Variants in FBF1 observed in about 807,000 individuals in gnomAD.
The protein encoded by FBF1 is Fas binding factor 1, also known as fas-binding factor 1.
FBF1 carries 119 observed loss-of-function variants against 147.2 expected under a neutral mutation model. That is an observed-to-expected ratio of 0.81 (90% CI 0.70 to 0.94). The LOEUF is 0.94. Ranked by LOEUF, FBF1 falls within the 40% of genes least tolerant of loss-of-function variation. The pLI, the probability that FBF1 is intolerant of heterozygous loss-of-function variation, is 0.00. For missense variants in FBF1, 1,449 were observed against 1,500.8 expected (o/e 0.97, Z 0.57); for synonymous variants, 601 against 609.0 (o/e 0.99, Z 0.19).
Position 75,913,834 on chromosome 17 carries a change from CCAGA to C in FBF1, c.3130-19_3130-16del. 6.3e-7 allele frequency: 1 copy of C among 1,590,644 alleles called. No individual in the cohort carries two copies. Among genetic ancestry groups the C allele is most frequent in the Non-Finnish European group, 8.5e-7 (1 of 1,172,270 alleles). ...CTCAGATGCTCCTGTCCCCGTTCCC[CCAGA>C]AAGAAGGACTCAGCTGTGAGGTGGG... On this transcript the variant is annotated splice_polypyrimidine_tract_variant and intron_variant, in intron 27 of 29. Coordinates refer to ENST00000636174, the MANE Select transcript of FBF1 (RefSeq NM_001319193.2).
intron 13 of FBF1, among the ~76,000 whole-genome samples, chr17:75,924,224 T>A (rs917807964): frequency 6.6e-6 from 1 of 151,982 alleles, no homozygotes; most frequent in African/African-American, 2.4e-5. Flanking sequence ...AAAAAAATAA[T>A]AATAAGTTGG....
chr17:75,912,281 G>A lies in FBF1; in HGVS notation c.3274C>T (p.Arg1092Cys), dbSNP rs770458062. The A allele has an allele frequency of 2.5e-5, 41 of 1,608,036 alleles. No individual in the cohort carries two copies. Among genetic ancestry groups the A allele is most frequent in the African/African-American group, 4.0e-5 (3 of 74,830 alleles). Residue 1092 changes from arginine to cysteine, a missense_variant, in exon 29 of 30, where the codon CGT becomes TGT. By Grantham distance (180) the Arg-to-Cys change is radical. Coordinates refer to ENST00000636174, the MANE Select transcript of FBF1 (RefSeq NM_001319193.2). ...CCAGTTGGCGGCTGGCTGCACCAAC[G>A]GGTGGTGGGAGCAGGAGGCATGAGG... ...SALMPPAPTT[R>C]WCSQPPTGLD...
Position 75,914,951 on chromosome 17 carries a change from G to C in FBF1, c.2629-19C>G, listed in dbSNP as rs760332121. 1 of 1,611,344 alleles carries C rather than the reference G, an allele frequency of 6.2e-7. No homozygotes were observed. The highest frequency in any genetic ancestry group is 2.2e-5 in the East Asian group (1 of 44,846). Reference sequence around the variant, plus strand: ...AGGCGCTCTGGGATGTGGGGGTGAAGGCACGGGGTGAGTGTCCCTGGGCAT... The same window carrying C: ...AGGCGCTCTGGGATGTGGGGGTGAACGCACGGGGTGAGTGTCCCTGGGCAT... On this transcript the variant is annotated intron_variant, in intron 24 of 29. Transcript: ENST00000636174.
chr17:75,931,192 G>C, intron 6 of FBF1, 37 bp downstream of exon 6: 2 of 1,557,534 alleles, frequency 1.3e-6, no homozygotes, highest in Non-Finnish European at 1.7e-6. Flanking sequence ...TGTTTCTGGG[G>C]ATAAGTAGGG....
intron 25 of FBF1, 169 bp downstream of exon 25, chr17:75,914,578 G>A: frequency 1.2e-6 from 1 of 826,358 alleles, no homozygotes; most frequent in Middle Eastern, 3.7e-4. Context: ...ATGCACCTGG[G>A]ACAATACGAG....
chr17:75,921,442 C>T (rs749205333), intron 16 of FBF1, 30 bp downstream of exon 16: 11 of 1,599,084 alleles, frequency 6.9e-6, no homozygotes, highest in Non-Finnish European at 8.5e-6. Context: ...GGGTTAAACT[C>T]CCAAATGAAG....
chr17:75,935,083 G>C (rs2065616179), intron 4 of FBF1, among the ~76,000 whole-genome samples: 1 of 151,996 alleles, frequency 6.6e-6, no homozygotes, highest in Non-Finnish European at 1.5e-5. Flanking sequence ...TAATGTTGAT[G>C]GTTGTACAAC....
rs1446644035 is a variant in FBF1, at chr17:75,915,063, G to A, written c.2582C>T (p.Thr861Met). ...QRALEEQRKV[T>M]AQQMAMERAE... Reference sequence around the variant, plus strand: ...CCTTTCCATGGCCATCTGCTGGGCCGTGACCTTCCTTTGCTCCTCTAGGGC... The same window carrying A: ...CCTTTCCATGGCCATCTGCTGGGCCATGACCTTCCTTTGCTCCTCTAGGGC... The change falls in exon 24 of 30, where the codon ACG becomes ATG. Residue 861 changes from threonine to methionine, a missense_variant. Thr to Met is a moderately conservative substitution (Grantham distance 81). Transcript: ENST00000636174. 3 of 1,613,488 alleles carry A rather than the reference G, an allele frequency of 1.9e-6. No homozygotes were observed. Among genetic ancestry groups the A allele is most frequent in the South Asian group, 1.1e-5 (1 of 91,080 alleles).
intron 5 of FBF1, among the ~76,000 whole-genome samples, chr17:75,932,022 G>A (rs1345121945): frequency 6.6e-6 from 1 of 152,204 alleles, no homozygotes; most frequent in African/African-American, 2.4e-5. Context: ...AACAGATAGA[G>A]GATAGAAGCC....
rs1220112992 is a variant in FBF1 at position 75,913,983 on chromosome 17, T to A, written c.3059A>T (p.Gln1020Leu). The change falls in exon 27 of 30, where the codon CAG (glutamine) becomes CTG (leucine). Residue 1020 changes from glutamine (Q) to leucine (L), a missense_variant. By Grantham distance (113) the Gln-to-Leu change is moderately radical. Coordinates refer to ENST00000636174, the MANE Select transcript of FBF1 (RefSeq NM_001319193.2). ...LREAQQVQAE[Q>L]QARLQAVQQQ... ...CTGCACCGCCTGCAACCGGGCCTGC[T>A]GCTCTGCCTGCACCTGCTGGGCCTC... is the stretch of plus-strand genomic sequence containing the variant. 4 of 1,566,764 alleles carry A rather than the reference T, an allele frequency of 2.6e-6. No homozygotes were observed. The African/African-American group carries it at 5.4e-5, about 21-fold the overall frequency.
chr17:75,920,830 T>TGG (rs34022293), intron 17 of FBF1, among the ~76,000 whole-genome samples: 50 of 120,490 alleles, frequency 4.1e-4, no homozygotes, highest in Admixed American at 6.1e-4. Context: ...GACACACTCC[T>TGG]GGGGGGGGGG....
rs952737680 is a variant in FBF1, at chr17:75,940,866, T to A, written c.-102A>T. ...GCGTCACCCTTCTGAGCGCCCGGCCTATCTGGCCCCGGAGCGCAGCCTGTA... is the reference window on the plus strand; with the variant it reads ...GCGTCACCCTTCTGAGCGCCCGGCCAATCTGGCCCCGGAGCGCAGCCTGTA... On this transcript the variant is annotated 5_prime_UTR_variant, in exon 1 of 30. Transcript: ENST00000636174. The A allele has an allele frequency of 6.5e-6, 1 of 153,732 alleles. No homozygotes were observed. Among genetic ancestry groups the A allele is most frequent in the Non-Finnish European group, 1.5e-5 (1 of 68,144 alleles). The allele number at this position is 153,732 out of a possible 1,614,324, so 9.5% of individuals were successfully genotyped here.
At chr17:75,914,622 T>C in intron 25 of FBF1, 125 bp downstream of exon 25, 1 of 1,036,110 alleles carries the variant, frequency 9.7e-7, no homozygotes, top group East Asian at 2.6e-5. Flanking sequence ...ATTACTGTTT[T>C]AATCCCTATG....
In FBF1 at chr17:75,923,487, TG is replaced by T; in HGVS notation, c.1122del (p.Thr375ProfsTer64). 1.2e-6 allele frequency: 2 copies of T among 1,607,952 alleles called. No individual in the cohort carries two copies. On this transcript the variant is annotated frameshift_variant, in exon 14 of 30. Transcript: ENST00000636174. LOFTEE classifies it high-confidence loss of function. The surrounding 1 kb of genome is among the most constrained non-coding windows in gnomAD (Gnocchi z 4.1). ...DEDLDLFPAS[P>X]TREAHRESSV... ...GAACTTTCCCGATGGGCCTCTCTGGTGGGTGAGGCAGGGAACAGGTCCAAGT... is the reference window on the plus strand; with the variant it reads ...GAACTTTCCCGATGGGCCTCTCTGGTGGTGAGGCAGGGAACAGGTCCAAGT...
intron 5 of FBF1, 115 bp downstream of exon 5, chr17:75,932,880 A>C: frequency 6.5e-6 from 2 of 309,802 alleles, no homozygotes; most frequent in East Asian, 8.6e-5. Flanking sequence ...ATATTCTCTA[A>C]AAAAAAAAAA....
At chr17:75,926,455 G>C in intron 10 of FBF1, 29 bp from the exon 11 acceptor site, 1 of 1,523,356 alleles carries the variant, frequency 6.6e-7, no homozygotes, top group Non-Finnish European at 8.8e-7. Flanking sequence ...CCCAATGCCT[G>C]CAGCCTTCTT....
At chr17:75,911,686 T>G (rs1433106972) in intron 29 of FBF1, among the ~76,000 whole-genome samples, 1 of 151,954 alleles carries the variant, frequency 6.6e-6, no homozygotes, top group Non-Finnish European at 1.5e-5. Context: ...GCTCAGCTAT[T>G]TTTTTGTGGA....
In FBF1 at chr17:75,925,331, T is replaced by C. The variant is rs1278292656; in HGVS notation, c.968+16A>G. On this transcript the variant is annotated intron_variant, in intron 13 of 29. Transcript: ENST00000636174. The surrounding 1 kb of genome is among the most constrained non-coding windows in gnomAD (Gnocchi z 5.0). Reference sequence around the variant, plus strand: ...ACCTGTCTCAAGAGGCCAAGCCTCCTGCAGGCCCCACTTACCTGACAGACT... The same window carrying C: ...ACCTGTCTCAAGAGGCCAAGCCTCCCGCAGGCCCCACTTACCTGACAGACT... 1.9e-6 allele frequency: 3 copies of C among 1,606,432 alleles called. No individual in the cohort carries two copies. Among genetic ancestry groups the C allele is most frequent in the Non-Finnish European group, 2.6e-6 (3 of 1,175,270 alleles).
chr17:75,931,078 G>C (rs1269778044), intron 6 of FBF1, 151 bp downstream of exon 6: 2 of 753,606 alleles, frequency 2.7e-6, no homozygotes, highest in Non-Finnish European at 4.4e-6. Flanking sequence ...CTGAGCAACA[G>C]AGGGAGACTC....
Sources: gnomAD v4.1 joint callset for allele counts (sites outside exome capture counted in the v4.1 genomes callset) on GRCh38, gnomAD v4.1.1 for gene constraint, Gnocchi (gnomAD v3.1) non-coding constraint, MANE v1.5 for transcripts, NCBI Gene and HGNC (gene_info 2026-07-23, HGNC 2026-07-21) for gene names.